Variants in EVI5 observed in about 807,000 individuals in gnomAD.
The protein encoded by EVI5 is ecotropic viral integration site 5, also known as ecotropic viral integration site 5 protein homolog.
In EVI5, 73 loss-of-function variants were observed where a neutral mutation model predicts 112.0. The observed-to-expected ratio is 0.65, with a 90% CI of 0.54 to 0.79. EVI5 has a LOEUF of 0.79. Ranked by LOEUF, EVI5 falls within the 30% of genes least tolerant of loss-of-function variation. EVI5 has a pLI of 0.00. For synonymous variants in EVI5, 305 were observed against 319.9 expected (o/e 0.95, Z 0.50); for missense variants, 900 against 968.8 (o/e 0.93, Z 0.94).
At chr1:92,616,461 G>A (rs1006331495) in intron 16 of EVI5, among the ~76,000 whole-genome samples, 4 of 152,268 alleles carry the variant, frequency 2.6e-5, no homozygotes, top group South Asian at 4.1e-4. Flanking sequence ...GCGGCAAAGC[G>A]GCAATCAGAA....
intron 2 of EVI5, among the ~76,000 whole-genome samples, chr1:92,721,157 C>T (rs976954487): frequency 6.6e-6 from 1 of 152,210 alleles, no homozygotes; most frequent in African/African-American, 2.4e-5. Context: ...TACCACTTGA[C>T]TCAGTGATCC....
intron 16 of EVI5, among the ~76,000 whole-genome samples, chr1:92,608,196 T>G (rs1416126107): frequency 6.6e-6 from 1 of 151,586 alleles, no homozygotes; most frequent in African/African-American, 2.4e-5. Context: ...TAAAATCAAG[T>G]CATCCAAAGG....
At chr1:92,600,302 C>A (rs182997978) in intron 18 of EVI5, among the ~76,000 whole-genome samples, 1 of 152,106 alleles carries the variant, frequency 6.6e-6, no homozygotes, top group South Asian at 2.1e-4. Flanking sequence ...GGATAGGGAA[C>A]AGGGTGTGAC....
chr1:92,520,480 T>A (rs940835286), intron 19 of EVI5, among the ~76,000 whole-genome samples: 1 of 152,172 alleles, frequency 6.6e-6, no homozygotes, highest in African/African-American at 2.4e-5. Flanking sequence ...ATAAAAAGTC[T>A]GTGGGTTCAT....
chr1:92,789,287 A>AAGCCGGACTTGGACTCCTGAG (rs1558266807), upstream of EVI5, among the ~76,000 whole-genome samples: 30 of 151,428 alleles, frequency 2.0e-4, no homozygotes, highest in African/African-American at 6.3e-4. Flanking sequence ...GGACTCCTGA[A>AAGCCGGACTTGGACTCCTGAG]TTCAAGCCAT....
intron 19 of EVI5, among the ~76,000 whole-genome samples, chr1:92,552,529 G>GA (rs1009120911): frequency 2.6e-5 from 4 of 152,126 alleles, no homozygotes; most frequent in African/African-American, 4.8e-5. Flanking sequence ...GACAATGTTA[G>GA]AAAAAATTCC....
chr1:92,642,411 T>C (rs1251047453), intron 13 of EVI5, among the ~76,000 whole-genome samples: 1 of 152,228 alleles, frequency 6.6e-6, no homozygotes, highest in Non-Finnish European at 1.5e-5. Flanking sequence ...CCGTCCAGAT[T>C]TATAGGTATA....
rs902541730 is a variant in EVI5, at chr1:92,754,329, T to C, written c.-81-17702A>G. Among the ~76,000 whole-genome samples, 9 of 152,342 alleles carry C rather than the reference T, an allele frequency of 5.9e-5. 1 individual carries two copies. The highest frequency in any genetic ancestry group is 1.9e-4 in the African/African-American group (8 of 41,584). The stretch of plus-strand genomic sequence containing the variant: ...AAATAAGTAAGACATATGGTTCCTG[T>C]CCTGTCTTCAAATTGCTCACCAGTA... On this transcript the variant is annotated intron_variant, in intron 1 of 19. Transcript: ENST00000684568.
chr1:92,701,621 T>C (rs965853628), intron 5 of EVI5, among the ~76,000 whole-genome samples: 10 of 152,134 alleles, frequency 6.6e-5, no homozygotes, highest in African/African-American at 2.4e-4. Context: ...TCTGAAAACA[T>C]TCCACCCAAA....
intron 18 of EVI5, among the ~76,000 whole-genome samples, chr1:92,598,340 C>T (rs1372318996): frequency 2.0e-5 from 3 of 151,896 alleles, no homozygotes; most frequent in African/African-American, 7.3e-5. Context: ...TACAACAAAC[C>T]CCCATGACAT....
intron 13 of EVI5, among the ~76,000 whole-genome samples, chr1:92,661,109 A>G (rs1162853590): frequency 6.6e-6 from 1 of 152,014 alleles, no homozygotes; most frequent in African/African-American, 2.4e-5. Flanking sequence ...AATAAAATCC[A>G]AAGCTCTTTA....
upstream of EVI5, among the ~76,000 whole-genome samples, chr1:92,785,801 C>T (rs187768517): frequency 1.1e-4 from 17 of 152,168 alleles, no homozygotes; most frequent in Admixed American, 6.5e-4. Context: ...AAGTGACAGC[C>T]GGGCGCGGTG....
intron 13 of EVI5, among the ~76,000 whole-genome samples, chr1:92,652,918 T>A (rs1484641175): frequency 6.6e-6 from 1 of 152,078 alleles, no homozygotes; most frequent in Non-Finnish European, 1.5e-5. Flanking sequence ...AGGGATTTGG[T>A]ATCTAGTCAA....
intron 2 of EVI5, among the ~76,000 whole-genome samples, chr1:92,725,174 T>C (rs1046561448): frequency 6.6e-6 from 1 of 152,170 alleles, no homozygotes; most frequent in South Asian, 2.1e-4. Context: ...GATCAATGCA[T>C]TCATGTAAGG....
chr1:92,570,878 T>C (rs1670227475), intron 18 of EVI5, among the ~76,000 whole-genome samples: 1 of 152,110 alleles, frequency 6.6e-6, no homozygotes, highest in Non-Finnish European at 1.5e-5. Flanking sequence ...TGAAAAACAG[T>C]GAAGCTAAGA....
rs1211428912 is a variant in EVI5, at chr1:92,511,870, T to C, written c.*1786A>G. 6.6e-6 allele frequency: 1 copy of C among 152,064 alleles called. No individual in the cohort carries two copies. Among genetic ancestry groups the C allele is most frequent in the Non-Finnish European group, 1.5e-5 (1 of 68,026 alleles). 9.4% of individuals were successfully genotyped at this position (152,064 alleles called of 1,614,324 possible). On this transcript the variant is annotated 3_prime_UTR_variant, in exon 20 of 20. Coordinates refer to ENST00000684568, the MANE Select transcript of EVI5 (RefSeq NM_001350197.2). ...TACCTGAAGGCTTAACTCCTAGTTT[T>C]TGACAGAAAACTACTTTTATCTCTT... is the stretch of plus-strand genomic sequence containing the variant.
At chr1:92,714,944 A>T (rs949833264) in intron 2 of EVI5, among the ~76,000 whole-genome samples, 4 of 152,146 alleles carry the variant, frequency 2.6e-5, no homozygotes, top group African/African-American at 9.7e-5. Context: ...TGTTCTCCCA[A>T]GGCAAAACAA....
intron 16 of EVI5, among the ~76,000 whole-genome samples, chr1:92,613,801 G>A (rs1360683914): frequency 6.6e-6 from 1 of 151,796 alleles, no homozygotes; most frequent in Non-Finnish European, 1.5e-5. Flanking sequence ...ATGTTGCCCA[G>A]GCTAGTCTCA....
intron 1 of EVI5, among the ~76,000 whole-genome samples, chr1:92,742,810 G>A (rs545862200): frequency 2.6e-5 from 4 of 152,110 alleles, no homozygotes; most frequent in Non-Finnish European, 5.9e-5. Flanking sequence ...AAATATAAAT[G>A]GCACAGCTGC....
Sources: gnomAD v4.1 joint callset for allele counts (sites outside exome capture counted in the v4.1 genomes callset) on GRCh38, gnomAD v4.1.1 for gene constraint, MANE v1.5 for transcripts, NCBI Gene and HGNC (gene_info 2026-07-23, HGNC 2026-07-21) for gene names.